RAD51B: variants seen among roughly 807,000 people sequenced by gnomAD.
RAD51B encodes the protein RAD51 paralog B.
RAD51B carries 38 observed loss-of-function variants against 42.2 expected under a neutral mutation model. The observed-to-expected ratio is 0.90, with a 90% CI of 0.70 to 1.18. The LOEUF (loss-of-function observed/expected upper bound fraction) is 1.18, where lower values mean the gene tolerates loss of function less well. Ranked by LOEUF, RAD51B falls within the 50% of genes most tolerant of loss-of-function variation. The pLI is 0.00. For missense variants in RAD51B, 373 were observed against 400.7 expected (o/e 0.93, Z 0.59); for synonymous variants, 154 against 145.2 (o/e 1.06, Z -0.43).
At chr14:67,943,997 A>G (rs1045870749) in intron 7 of RAD51B, among the ~76,000 whole-genome samples, 1 of 152,132 alleles carries the variant, frequency 6.6e-6, no homozygotes, top group East Asian at 1.9e-4. Context: ...TCATTTCTTC[A>G]GCACTCTGGG....
At chr14:68,354,222 T>TG (rs1248928026) in intron 8 of RAD51B, among the ~76,000 whole-genome samples, 4 of 146,246 alleles carry the variant, frequency 2.7e-5, no homozygotes, top group East Asian at 2.0e-4. Flanking sequence ...TTTGGTTTTT[T>TG]TTTTTTTTTT....
At chr14:68,149,946 G>C (rs986749268) in intron 7 of RAD51B, 3 of 151,754 alleles carry the variant, frequency 2.0e-5, no homozygotes, top group African/African-American at 7.3e-5. Context: ...TGAAGTTGAA[G>C]ACTTTTTTTT....
chr14:68,062,450 A>C (rs1595344138), intron 7 of RAD51B, among the ~76,000 whole-genome samples: 1 of 152,078 alleles, frequency 6.6e-6, no homozygotes, highest in South Asian at 2.1e-4. Context: ...AATTTCTTGG[A>C]GTAGTTTCAG....
chr14:68,542,755 G>T (rs1240696853), intron 10 of RAD51B, among the ~76,000 whole-genome samples: 2 of 152,140 alleles, frequency 1.3e-5, no homozygotes, highest in African/African-American at 2.4e-5. Flanking sequence ...ATCATCTTGT[G>T]TATCTCTGGG....
At chr14:68,398,204 G>A (rs1236973885) in intron 8 of RAD51B, among the ~76,000 whole-genome samples, 1 of 152,232 alleles carries the variant, frequency 6.6e-6, no homozygotes, top group Non-Finnish European at 1.5e-5. Context: ...GAATTTTGGT[G>A]GTCAAGTCAC....
chr14:68,547,375 G>A (rs182387645), intron 10 of RAD51B, among the ~76,000 whole-genome samples: 3 of 152,202 alleles, frequency 2.0e-5, no homozygotes, highest in East Asian at 3.9e-4. Flanking sequence ...ACTTCCTGTC[G>A]GCACGTACAG....
intron 7 of RAD51B, among the ~76,000 whole-genome samples, chr14:68,051,086 G>A (rs530431544): frequency 5.3e-5 from 8 of 151,660 alleles, no homozygotes; most frequent in Non-Finnish European, 1.0e-4. Flanking sequence ...TCATAGTAGT[G>A]TCAAAAATCT....
intron 5 of RAD51B, among the ~76,000 whole-genome samples, chr14:67,884,007 A>G (rs1163370878): frequency 6.6e-6 from 1 of 152,238 alleles, no homozygotes; most frequent in Non-Finnish European, 1.5e-5. Context: ...GCCCTAAACA[A>G]AAAAGATCTT....
intron 5 of RAD51B, among the ~76,000 whole-genome samples, chr14:67,877,694 G>A (rs993771027): frequency 3.3e-5 from 5 of 152,122 alleles, no homozygotes; most frequent in Non-Finnish European, 7.4e-5. Flanking sequence ...TATTAGAGAC[G>A]AGGTTTCACT....
At chr14:67,943,866 G>C (rs2045291515) in intron 7 of RAD51B, among the ~76,000 whole-genome samples, 1 of 152,076 alleles carries the variant, frequency 6.6e-6, no homozygotes, top group African/African-American at 2.4e-5. Flanking sequence ...TAAAATTGTT[G>C]CTCAGATACT....
rs1451982116 is a variant in RAD51B, at chr14:68,193,835, A to G, written c.757-98049A>G. On this transcript the variant is annotated intron_variant, in intron 7 of 10. Transcript: ENST00000471583. ...TCAAACTTCTTAACCAATGGCTTCC[A>G]CTCTACCACCTTTCAACGCTTTTTT... 2.6e-5 allele frequency among the ~76,000 whole-genome samples: 4 copies of G among 152,036 alleles called. No homozygotes were observed. In the East Asian group the frequency reaches 7.8e-4, roughly 29 times the overall value.
In RAD51B at chr14:68,315,329, G is replaced by A. The variant is rs141755778; in HGVS notation, c.853+23349G>A. 2.2e-4 allele frequency among the ~76,000 whole-genome samples: 34 copies of A among 152,210 alleles called. No homozygotes were observed. The East Asian group carries it at 4.8e-3, about 22-fold the overall frequency. On this transcript the variant is annotated intron_variant, in intron 8 of 10. Coordinates refer to ENST00000471583, the MANE Select transcript of RAD51B (RefSeq NM_133510.4). Reference sequence around the variant, plus strand: ...ATAGGAGATTAAATACCCATCTTTCGTCAGATCAAAGCAGGCCTCTTGGAC... The same window carrying A: ...ATAGGAGATTAAATACCCATCTTTCATCAGATCAAAGCAGGCCTCTTGGAC...
At chr14:68,385,082 T>C (rs1431539661) in intron 8 of RAD51B, among the ~76,000 whole-genome samples, 1 of 152,028 alleles carries the variant, frequency 6.6e-6, no homozygotes, top group East Asian at 1.9e-4. Context: ...TTTTGCTAAC[T>C]CATTAGTTCG....
In RAD51B at chr14:68,285,938, C is replaced by T. The variant is rs552329853; in HGVS notation, c.757-5946C>T. ...CTCACATACTTGACTTTCATAGAAG[C>T]GGAAGCCATTGACCTACTTGATTTA... On this transcript the variant is annotated intron_variant, in intron 7 of 10. Transcript: ENST00000471583. Among the ~76,000 whole-genome samples, 7 of 152,270 alleles carry T rather than the reference C, an allele frequency of 4.6e-5. No individual in the cohort carries two copies. In the South Asian group the frequency reaches 1.0e-3, roughly 23 times the overall value.
In RAD51B at chr14:68,650,421, G is replaced by A. The variant is rs558915612; in HGVS notation, c.1037-360G>A. Among the ~76,000 whole-genome samples the A allele has an allele frequency of 8.5e-4, 130 of 152,242 alleles. No homozygotes were observed. The Middle Eastern group carries it at 0.01, about 12-fold the overall frequency. ...TGTCTGTGGTCTTTTACCTGTGCTG[G>A]GTTTAATCACAGTACCAGCCTGACA... is the stretch of plus-strand genomic sequence containing the variant. On this transcript the variant is annotated intron_variant, in intron 10 of 11. Coordinates refer to the RAD51B transcript ENST00000488612.
At chr14:68,613,978 G>A (rs1049722478), downstream of RAD51B, among the ~76,000 whole-genome samples, 1 of 152,196 alleles carries the variant, frequency 6.6e-6, no homozygotes, top group Non-Finnish European at 1.5e-5. Context: ...AGTGGTGAAT[G>A]TGAACATGCT....
At chr14:68,465,956 AAATAAATAAATAAATAAAT>A (rs2085973841) in intron 9 of RAD51B, among the ~76,000 whole-genome samples, 4 of 76,612 alleles carry the variant, frequency 5.2e-5, no homozygotes, top group Admixed American at 2.4e-4. Context: ...AAAAAAAAAT[AAATAAATAAATAAATAAAT>A]AAATAAATAA....
intron 7 of RAD51B, among the ~76,000 whole-genome samples, chr14:68,282,169 G>A (rs2081331428): frequency 6.6e-6 from 1 of 152,090 alleles, no homozygotes. Flanking sequence ...TTTTAGTAGA[G>A]ACAGGGTTTC....
At chr14:68,196,389 T>C (rs1213760329) in intron 7 of RAD51B, among the ~76,000 whole-genome samples, 1 of 152,106 alleles carries the variant, frequency 6.6e-6, no homozygotes, top group African/African-American at 2.4e-5. Context: ...ACTTTTAGAA[T>C]TCAACGTAGA....
Sources: gnomAD v4.1 joint callset for allele counts (sites outside exome capture counted in the v4.1 genomes callset) on GRCh38, gnomAD v4.1.1 for gene constraint, MANE v1.5 for transcripts, NCBI Gene and HGNC (gene_info 2026-07-23, HGNC 2026-07-21) for gene names.